The following PDZRN4 variants were observed in gnomAD, a reference collection of about 807,000 sequenced individuals.
PDZRN4 encodes PDZ domain-containing RING finger protein 4.
Under a neutral mutation model 99.0 loss-of-function variants are expected in PDZRN4, and 70 were observed. That is an observed-to-expected ratio of 0.71 (90% CI 0.58 to 0.86). The LOEUF is 0.86. Ranked by LOEUF, PDZRN4 falls within the 40% of genes least tolerant of loss-of-function variation. PDZRN4 has a pLI of 0.00. For missense variants in PDZRN4, 1,474 were observed against 1,331.2 expected, an observed-to-expected ratio of 1.11 and a Z score of -1.67; for synonymous variants, 551 against 501.6, an observed-to-expected ratio of 1.10 and a Z score of -1.32.
At chr12:41,203,586 A>G (rs1048675955) in intron 3 of PDZRN4, among the ~76,000 whole-genome samples, 1 of 151,988 alleles carries the variant, frequency 6.6e-6, no homozygotes, top group Non-Finnish European at 1.5e-5. Context: ...TTGTATCCCC[A>G]CAACACTCTA....
chr12:41,429,866 A>G (rs1423946433), intron 3 of PDZRN4, among the ~76,000 whole-genome samples: 2 of 151,780 alleles, frequency 1.3e-5, no homozygotes, highest in Non-Finnish European at 2.9e-5. Context: ...TGGTTGAATG[A>G]AAGTTTGTAC....
At chr12:41,292,197 T>G (rs904229340) in intron 3 of PDZRN4, among the ~76,000 whole-genome samples, 3 of 152,186 alleles carry the variant, frequency 2.0e-5, no homozygotes, top group Non-Finnish European at 4.4e-5. Flanking sequence ...ACAGAAGGAC[T>G]GAGGAAAATG....
At chr12:41,282,421 G>C (rs1951393308) in intron 3 of PDZRN4, among the ~76,000 whole-genome samples, 1 of 151,912 alleles carries the variant, frequency 6.6e-6, no homozygotes, top group African/African-American at 2.4e-5. Flanking sequence ...ACAATAATAG[G>C]GGGAGATTTT....
At position 41,573,464 on chromosome 12, in the gene PDZRN4, C is replaced by T. The variant is rs1352598817; in HGVS notation, c.2685C>T (p.Ser895=). 1.9e-6 allele frequency: 3 copies of T among 1,613,760 alleles called. No individual in the cohort carries two copies. The highest frequency in any genetic ancestry group is 1.1e-5 in the South Asian group (1 of 91,068). ...PKMEWKVKIR[S]DGTRYITKRP... ...TGGAATGGAAGGTGAAAATTAGGAG[C>T]GACGGGACACGGTACATCACAAAGA... Residue 895 remains serine (S), a synonymous_variant, in exon 10 of 10, where the codon AGC becomes AGT. Transcript: ENST00000402685.
At chr12:41,196,644 G>A (rs574250680) in intron 3 of PDZRN4, among the ~76,000 whole-genome samples, 1 of 152,036 alleles carries the variant, frequency 6.6e-6, no homozygotes, top group Non-Finnish European at 1.5e-5. Flanking sequence ...GGTGTGTGTT[G>A]TAAAAGATCC....
chr12:41,280,743 C>T (rs1361742489), intron 3 of PDZRN4, among the ~76,000 whole-genome samples: 1 of 152,136 alleles, frequency 6.6e-6, no homozygotes, highest in Non-Finnish European at 1.5e-5. Context: ...CTCCCATCTC[C>T]CTGGGACAGA....
intron 3 of PDZRN4, among the ~76,000 whole-genome samples, chr12:41,363,528 GGATGCATCTGTTCCA>G (rs1467215824): frequency 3.9e-5 from 6 of 151,940 alleles, no homozygotes; most frequent in Admixed American, 3.3e-4. Context: ...TAACTGTTTG[GGATGCATCTGTTCCA>G]GATGCATCTG....
At chr12:41,570,682 C>T (rs1592117931) in intron 9 of PDZRN4, among the ~76,000 whole-genome samples, 1 of 152,028 alleles carries the variant, frequency 6.6e-6, no homozygotes, top group Admixed American at 6.6e-5. Context: ...TTCAAATGCC[C>T]AGTATCAATA....
intron 3 of PDZRN4, among the ~76,000 whole-genome samples, chr12:41,499,582 G>T (rs1454100798): frequency 6.6e-6 from 1 of 151,498 alleles, no homozygotes; most frequent in Non-Finnish European, 1.5e-5. Context: ...CAGAAGGAGG[G>T]ATACAAAAAA....
intron 7 of PDZRN4, 93 bp from the exon 8 acceptor site, chr12:41,563,455 A>G (rs1327999854): frequency 1.1e-6 from 1 of 914,192 alleles, no homozygotes; most frequent in African/African-American, 1.6e-5. Context: ...TTCATTGTCC[A>G]TACATTTACC....
At chr12:41,568,743 T>C (rs1380976341) in intron 9 of PDZRN4, among the ~76,000 whole-genome samples, 19 of 152,046 alleles carry the variant, frequency 1.2e-4, no homozygotes, top group Admixed American at 1.1e-3. Context: ...CTGCCTGATA[T>C]AATTTTGTTT....
At chr12:41,280,457 T>G (rs1265773095) in intron 3 of PDZRN4, among the ~76,000 whole-genome samples, 1 of 152,156 alleles carries the variant, frequency 6.6e-6, no homozygotes, top group Non-Finnish European at 1.5e-5. Flanking sequence ...CAAGCTCAGA[T>G]CCACTGGTTG....
At chr12:41,212,429 A>G (rs1041203702) in intron 3 of PDZRN4, among the ~76,000 whole-genome samples, 1 of 152,014 alleles carries the variant, frequency 6.6e-6, no homozygotes, top group Non-Finnish European at 1.5e-5. Flanking sequence ...TCCTCTAAAT[A>G]TGGAAAAGTT....
intron 3 of PDZRN4, among the ~76,000 whole-genome samples, chr12:41,308,206 C>T (rs1009435454): frequency 6.6e-6 from 1 of 151,940 alleles, no homozygotes; most frequent in Non-Finnish European, 1.5e-5. Context: ...AAAAATACTT[C>T]TGGCCTCATT....
rs1937966909 is a variant in PDZRN4 at position 41,494,926 on chromosome 12, C to G, written c.844-11530C>G. On this transcript the variant is annotated intron_variant, in intron 3 of 9. Coordinates refer to ENST00000402685, the MANE Select transcript of PDZRN4 (RefSeq NM_001164595.2). ...GTCCTTTCAAACTGATGTGAAATAC[C>G]ATTCATTGTGTAGGCACTAAGTTAA... Among the ~76,000 whole-genome samples the G allele has an allele frequency of 2.0e-5, 3 of 152,224 alleles. No individual in the cohort carries two copies. The South Asian group carries it at 6.2e-4, about 32-fold the overall frequency.
chr12:41,280,560 G>A (rs1951376865), intron 3 of PDZRN4, among the ~76,000 whole-genome samples: 1 of 152,158 alleles, frequency 6.6e-6, no homozygotes, highest in Non-Finnish European at 1.5e-5. Flanking sequence ...GGCTTAATTA[G>A]ACAGTATTCC....
chr12:41,354,659 A>G (rs549459727), intron 3 of PDZRN4, among the ~76,000 whole-genome samples: 1 of 152,056 alleles, frequency 6.6e-6, no homozygotes, highest in Non-Finnish European at 1.5e-5. Context: ...AGGCCTACCC[A>G]GAAGTGAGGA....
chr12:41,261,807 C>T (rs192132467), intron 3 of PDZRN4, among the ~76,000 whole-genome samples: 326 of 152,244 alleles, frequency 2.1e-3, no homozygotes, highest in Non-Finnish European at 4.2e-3. Flanking sequence ...TTCTATTTCT[C>T]TTTTTATTGT....
intron 3 of PDZRN4, among the ~76,000 whole-genome samples, chr12:41,352,623 C>A (rs758694177): frequency 3.3e-5 from 5 of 152,092 alleles, no homozygotes; most frequent in Non-Finnish European, 7.4e-5. Flanking sequence ...AATAGGAAAT[C>A]AGCTCACTTA....
Sources: gnomAD v4.1 joint callset for allele counts (sites outside exome capture counted in the v4.1 genomes callset) on GRCh38, gnomAD v4.1.1 for gene constraint, MANE v1.5 for transcripts, NCBI Gene and HGNC (gene_info 2026-07-23, HGNC 2026-07-21) for gene names.